Variants in IMPG1 observed in about 807,000 individuals in gnomAD.
The protein encoded by IMPG1 is interphotoreceptor matrix proteoglycan of 150 kDa.
Under a neutral mutation model 92.0 loss-of-function variants are expected in IMPG1, and 85 were observed. The observed-to-expected ratio is 0.92, with a 90% confidence interval of 0.78 to 1.11. IMPG1 has a LOEUF of 1.11. IMPG1 is among the 50% of genes least tolerant of loss of function. The probability of loss-of-function intolerance (pLI) is 0.00; values close to 1 mark genes in which losing one functional copy is unlikely to be tolerated. For missense variants in IMPG1, 1,022 were observed against 956.0 expected, an observed-to-expected ratio of 1.07 and a Z score of -0.91; for synonymous variants, 367 against 334.1, an observed-to-expected ratio of 1.10 and a Z score of -1.08.
Position 76,042,107 on chromosome 6 carries a change from G to A in IMPG1, c.87C>T (p.Tyr29=), listed in dbSNP as rs762051994. The A allele has an allele frequency of 1.3e-5, 20 of 1,566,946 alleles. No individual in the cohort carries two copies. In the Admixed American group the frequency reaches 2.7e-4, roughly 21 times the overall value. Residue 29 remains tyrosine, a synonymous_variant, in exon 2 of 17, where the codon TAC becomes TAT. Coordinates refer to ENST00000369950, the MANE Select transcript of IMPG1 (RefSeq NM_001563.4). ...QGTKDISINI[Y]HSETKDIDNP... is the part of the protein sequence containing the mutation. ...TGTCTATGTCTTTAGTTTCAGAATG[G>A]TATATGTTAATGGAGATATCTGTAA...
chr6:76,009,004 A>C (rs2149479010), intron 8 of IMPG1, among the ~76,000 whole-genome samples: 1 of 152,320 alleles, frequency 6.6e-6, no homozygotes, highest in South Asian at 2.1e-4. Context: ...CTTTCACTCA[A>C]CGAAGTTATT....
intron 7 of IMPG1, among the ~76,000 whole-genome samples, chr6:76,014,577 T>C (rs1447023079): frequency 6.6e-6 from 1 of 152,222 alleles, no homozygotes; most frequent in African/African-American, 2.4e-5. Context: ...TTTGCCATGC[T>C]ATTTCAGTAA....
intron 7 of IMPG1, among the ~76,000 whole-genome samples, chr6:76,013,514 A>G (rs781502616): frequency 3.9e-5 from 6 of 152,184 alleles, no homozygotes; most frequent in Non-Finnish European, 7.3e-5. Context: ...AAGCATTTGT[A>G]GAGCCCCAAA....
intron 14 of IMPG1, among the ~76,000 whole-genome samples, chr6:75,935,784 T>G (rs1177285111): frequency 6.6e-6 from 1 of 152,176 alleles, no homozygotes; most frequent in African/African-American, 2.4e-5. Flanking sequence ...TTATATTCAT[T>G]TTTGTGCTCA....
Position 76,022,156 on chromosome 6 carries a change from AT to A in IMPG1, c.625del (p.Ile209PhefsTer35). ...LTPDDTLLNE[I>X]LDNTLNDTKM... ...GGTGTCGTTGAGTGTATTATCGAGA[AT>A]TTCATTGAGGAGGGTGTCATCAGGA... On this transcript the variant is annotated frameshift_variant, in exon 6 of 17. Coordinates refer to ENST00000369950, the MANE Select transcript of IMPG1 (RefSeq NM_001563.4). LOFTEE classifies it high-confidence loss of function. 1 of 1,597,968 alleles carries A rather than the reference AT, an allele frequency of 6.3e-7. No homozygotes were observed. The highest frequency in any genetic ancestry group is 8.6e-7 in the Non-Finnish European group (1 of 1,168,738).
rs551008887 is a variant in IMPG1 at position 75,940,441 on chromosome 6, C to T, written c.2044+6873G>A. Among the ~76,000 whole-genome samples the T allele has an allele frequency of 3.9e-5, 6 of 152,176 alleles. No homozygotes were observed. The South Asian group carries it at 6.2e-4, about 16-fold the overall frequency. On this transcript the variant is annotated intron_variant, in intron 14 of 16. Transcript: ENST00000369950. Reference sequence around the variant, plus strand: ...ATTAAAAACAAATTAATATACGCACCACCCTTTGTACCTATTTTATATTTT... The same window carrying T: ...ATTAAAAACAAATTAATATACGCACTACCCTTTGTACCTATTTTATATTTT...
chr6:75,947,197 G>A, intron 14 of IMPG1, 117 bp downstream of exon 14: 1 of 720,580 alleles, frequency 1.4e-6, no homozygotes, highest in Non-Finnish European at 2.4e-6. Context: ...TATTTCATCT[G>A]GTATCATTTC....
chr6:76,049,799 G>A (rs1432322929), intron 1 of IMPG1, among the ~76,000 whole-genome samples: 1 of 152,172 alleles, frequency 6.6e-6, no homozygotes, highest in Non-Finnish European at 1.5e-5. Flanking sequence ...AAGTATTTAG[G>A]GGGGCATAAA....
At chr6:75,954,441 C>T (rs1782084008) in intron 12 of IMPG1, among the ~76,000 whole-genome samples, 1 of 152,134 alleles carries the variant, frequency 6.6e-6, no homozygotes, top group Admixed American at 6.5e-5. Flanking sequence ...ACATCCTTTG[C>T]CCACTTTTTG....
At chr6:76,011,004 T>C (rs1371178890) in intron 8 of IMPG1, among the ~76,000 whole-genome samples, 162 bp downstream of exon 8, 3 of 152,240 alleles carry the variant, frequency 2.0e-5, no homozygotes, top group African/African-American at 7.2e-5. Context: ...AGTCATGTTC[T>C]AATTAGACAG....
At chr6:75,959,193 G>C (rs995342063) in intron 12 of IMPG1, among the ~76,000 whole-genome samples, 1 of 152,026 alleles carries the variant, frequency 6.6e-6, no homozygotes, top group African/African-American at 2.4e-5. Context: ...TGTTTTCCTG[G>C]GTATCACCAG....
chr6:75,983,128 T>C (rs761040953), intron 12 of IMPG1, among the ~76,000 whole-genome samples: 2 of 151,848 alleles, frequency 1.3e-5, no homozygotes, highest in Non-Finnish European at 2.9e-5. Context: ...AGTTTAGTAC[T>C]TTATTGAAAC....
At chr6:76,002,041 A>G (rs1031218560) in intron 12 of IMPG1, among the ~76,000 whole-genome samples, 8 of 152,230 alleles carry the variant, frequency 5.3e-5, no homozygotes, top group African/African-American at 1.9e-4. Flanking sequence ...AGAGACCTCT[A>G]ACTAAAACAA....
chr6:76,047,658 A>G (rs1328355303), intron 1 of IMPG1, among the ~76,000 whole-genome samples: 1 of 152,220 alleles, frequency 6.6e-6, no homozygotes, highest in Non-Finnish European at 1.5e-5. Flanking sequence ...TTTGTACATG[A>G]CAGAGATGCA....
chr6:75,965,671 C>G (rs559956179), intron 12 of IMPG1, among the ~76,000 whole-genome samples: 2 of 133,748 alleles, frequency 1.5e-5, no homozygotes, highest in Non-Finnish European at 3.1e-5. Flanking sequence ...GCAGTGTGGC[C>G]GGTCTTGGCT....
chr6:75,957,427 G>A (rs916120719), intron 12 of IMPG1, among the ~76,000 whole-genome samples: 4 of 152,122 alleles, frequency 2.6e-5, no homozygotes, highest in East Asian at 1.9e-4. Context: ...TATTAGGTCC[G>A]CTTGACCCAG....
chr6:75,983,192 A>G (rs1467839564), intron 12 of IMPG1, among the ~76,000 whole-genome samples: 1 of 151,750 alleles, frequency 6.6e-6, no homozygotes, highest in African/African-American at 2.4e-5. Flanking sequence ...AAATCTATCA[A>G]TTTCAATAAA....
At chr6:75,934,136 T>C (rs1781703055) in intron 14 of IMPG1, among the ~76,000 whole-genome samples, 1 of 152,130 alleles carries the variant, frequency 6.6e-6, no homozygotes, top group African/African-American at 2.4e-5. Context: ...GGCAGACATA[T>C]CAGACTTCCA....
intron 1 of IMPG1, among the ~76,000 whole-genome samples, chr6:76,053,834 G>A (rs1489496816): frequency 6.6e-6 from 1 of 152,092 alleles, no homozygotes; most frequent in Non-Finnish European, 1.5e-5. Context: ...TAATCTTGGA[G>A]TATGTTGGGA....
Sources: gnomAD v4.1 joint callset for allele counts (sites outside exome capture counted in the v4.1 genomes callset) on GRCh38, gnomAD v4.1.1 for gene constraint, MANE v1.5 for transcripts, NCBI Gene and HGNC (gene_info 2026-07-23, HGNC 2026-07-21) for gene names.